The following PTN variants were observed in gnomAD, a reference collection of about 807,000 sequenced individuals.
PTN encodes the protein heparin affin regulatory protein.
PTN carries 18 observed loss-of-function variants against 24.1 expected under a neutral mutation model. The observed-to-expected ratio is 0.75, with a 90% CI of 0.52 to 1.11. The LOEUF (loss-of-function observed/expected upper bound fraction) is 1.11. Ranked by LOEUF, PTN falls within the 50% of genes least tolerant of loss-of-function variation. The pLI is 0.00. For missense variants in PTN, 163 were observed against 198.8 expected, an observed-to-expected ratio of 0.82 and a Z score of 1.08; for synonymous variants, 78 against 68.6, an observed-to-expected ratio of 1.14 and a Z score of -0.67.
chr7:137,317,521 C>T (rs1810092219), intron 1 of PTN, among the ~76,000 whole-genome samples: 1 of 152,124 alleles, frequency 6.6e-6, no homozygotes. Flanking sequence ...ATGCGAGTGC[C>T]ATCTTTGGGA....
chr7:137,307,554 A>G (rs1405706714), intron 1 of PTN, among the ~76,000 whole-genome samples: 3 of 152,092 alleles, frequency 2.0e-5, no homozygotes, highest in Non-Finnish European at 2.9e-5. Flanking sequence ...ACAGCTCATT[A>G]AAATTCAGTC....
chr7:137,237,303 G>A (rs1808540804), intron 4 of PTN, among the ~76,000 whole-genome samples: 1 of 152,208 alleles, frequency 6.6e-6, no homozygotes, highest in African/African-American at 2.4e-5. Context: ...GGGCCTCATA[G>A]GGCACCAACC....
At chr7:137,277,887 A>G (rs1809387973) in intron 1 of PTN, among the ~76,000 whole-genome samples, 1 of 1,366 alleles carries the variant, frequency 7.3e-4, no homozygotes, top group African/African-American at 3.3e-3. Flanking sequence ...ATATATGTAG[A>G]TAGATAGATA....
intron 4 of PTN, 108 bp downstream of exon 4, chr7:137,251,122 T>C: frequency 7.6e-7 from 1 of 1,322,968 alleles, no homozygotes; most frequent in Non-Finnish European, 1.1e-6. Flanking sequence ...TTTCAGTCAC[T>C]TTCTTAAGGT....
chr7:137,290,725 G>C (rs1184714087), intron 1 of PTN, among the ~76,000 whole-genome samples: 1 of 151,918 alleles, frequency 6.6e-6, no homozygotes, highest in Non-Finnish European at 1.5e-5. Flanking sequence ...GAGCTGGGGT[G>C]GCCAGTAGAT....
intron 1 of PTN, among the ~76,000 whole-genome samples, chr7:137,314,533 G>A (rs114674590): frequency 0.011 from 1,663 of 150,956 alleles, 31 homozygotes; most frequent in African/African-American, 0.036. Context: ...CAGATGTGCC[G>A]TATACATTAT....
chr7:137,322,531 T>C (rs746635897), intron 1 of PTN, among the ~76,000 whole-genome samples: 13 of 152,210 alleles, frequency 8.5e-5, no homozygotes, highest in Non-Finnish European at 1.8e-4. Flanking sequence ...TATGGTTTTT[T>C]TTATGACCTA....
intron 4 of PTN, chr7:137,236,331 G>A (rs1808520512): frequency 1.4e-6 from 1 of 696,272 alleles, no homozygotes; most frequent in Non-Finnish European, 2.6e-6. Context: ...AGAGTCAGGG[G>A]TGGGGGAATC....
intron 4 of PTN, among the ~76,000 whole-genome samples, chr7:137,233,305 C>G (rs555579945): frequency 6.6e-6 from 1 of 152,030 alleles, no homozygotes; most frequent in Admixed American, 6.6e-5. Flanking sequence ...TGATCTTGTG[C>G]AGATCAATCA....
intron 1 of PTN, among the ~76,000 whole-genome samples, chr7:137,287,467 G>T (rs1278839253): frequency 1.3e-5 from 2 of 151,298 alleles, no homozygotes; most frequent in African/African-American, 2.4e-5. Flanking sequence ...TTTTTTCAGA[G>T]AATTGTAAAA....
intron 1 of PTN, among the ~76,000 whole-genome samples, chr7:137,330,320 A>AAGGAGGAAGAGG (rs1162204380): frequency 6.6e-6 from 1 of 151,896 alleles, no homozygotes; most frequent in Non-Finnish European, 1.5e-5. Flanking sequence ...GGAGAAAGAG[A>AAGGAGGAAGAGG]AGGAGGAAGA....
At chr7:137,261,301 G>T (rs1278622057) in intron 1 of PTN, among the ~76,000 whole-genome samples, 1 of 152,004 alleles carries the variant, frequency 6.6e-6, no homozygotes, top group African/African-American at 2.4e-5. Flanking sequence ...CCCATTTTCT[G>T]TGAGCAGAGT....
intron 1 of PTN, among the ~76,000 whole-genome samples, chr7:137,271,031 C>T (rs1194283944): frequency 6.6e-6 from 1 of 152,158 alleles, no homozygotes; most frequent in Non-Finnish European, 1.5e-5. Context: ...AGTAGTTAGC[C>T]ATCCATTTCT....
chr7:137,243,445 C>T (rs1468789619), intron 4 of PTN, among the ~76,000 whole-genome samples: 1 of 152,198 alleles, frequency 6.6e-6, no homozygotes, highest in African/African-American at 2.4e-5. Flanking sequence ...AGCATCAATG[C>T]ATCATCTAGC....
chr7:137,276,337 G>A (rs1809358711), intron 1 of PTN, among the ~76,000 whole-genome samples: 1 of 152,146 alleles, frequency 6.6e-6, no homozygotes, highest in Admixed American at 6.5e-5. Context: ...GTAGTTCAAG[G>A]GCAACTGCAG....
At chr7:137,253,727 AG>A in intron 2 of PTN, 90 bp from the exon 3 acceptor site, 1 of 1,151,034 alleles carries the variant, frequency 8.7e-7, no homozygotes, top group Non-Finnish European at 1.1e-6. Context: ...CCTTAATTGC[AG>A]GATCTGTGTT....
intron 1 of PTN, among the ~76,000 whole-genome samples, chr7:137,278,169 T>C (rs1337039712): frequency 6.7e-6 from 1 of 149,884 alleles, no homozygotes; most frequent in Non-Finnish European, 1.5e-5. Context: ...TAGCCGGGCG[T>C]GGTAGCGGGC....
intron 4 of PTN, among the ~76,000 whole-genome samples, chr7:137,240,313 T>A (rs1808606684): frequency 6.6e-6 from 1 of 152,154 alleles, no homozygotes; most frequent in South Asian, 2.1e-4. Context: ...CATTGCAGGC[T>A]CTTAATAGAT....
chr7:137,236,615 A>G (rs1808526209), intron 4 of PTN, among the ~76,000 whole-genome samples: 1 of 152,098 alleles, frequency 6.6e-6, no homozygotes, highest in Non-Finnish European at 1.5e-5. Flanking sequence ...GACAGTGACC[A>G]TCCCACACCA....
Sources: allele counts gnomAD v4.1 joint callset (sites outside exome capture counted in the v4.1 genomes callset), GRCh38; gene constraint gnomAD v4.1.1; transcripts MANE v1.5; gene names NCBI Gene and HGNC (gene_info 2026-07-23, HGNC 2026-07-21).